The following PDE5A variants were observed in gnomAD, a reference collection of about 807,000 sequenced individuals.
PDE5A encodes cGMP-specific 3',5'-cyclic phosphodiesterase.
PDE5A carries 67 observed loss-of-function variants against 110.2 expected under a neutral mutation model. The observed-to-expected ratio is 0.61, with a 90% confidence interval of 0.50 to 0.75. The LOEUF (loss-of-function observed/expected upper bound fraction) is 0.75, where lower values mean the gene tolerates loss of function less well. Among genes scored for constraint, PDE5A ranks in the 30% least tolerant of loss-of-function variants. The pLI, the probability that PDE5A is intolerant of heterozygous loss-of-function variation, is 0.00. For synonymous variants in PDE5A, 328 were observed against 351.2 expected, an observed-to-expected ratio of 0.93 and a Z score of 0.74; for missense variants, 862 against 1,045.1, an observed-to-expected ratio of 0.82 and a Z score of 2.42.
At chr4:119,613,964 G>C (rs1729845502) in intron 1 of PDE5A, among the ~76,000 whole-genome samples, 1 of 151,738 alleles carries the variant, frequency 6.6e-6, no homozygotes. Flanking sequence ...TTGCCATGAA[G>C]AAGGCACTCC....
intron 1 of PDE5A, among the ~76,000 whole-genome samples, chr4:119,618,238 T>C (rs1237090886): frequency 6.6e-6 from 1 of 152,198 alleles, no homozygotes; most frequent in African/African-American, 2.4e-5. Flanking sequence ...TCATTCATGA[T>C]AGTTATTGTT....
intron 3 of PDE5A, among the ~76,000 whole-genome samples, chr4:119,578,009 G>A (rs562190352): frequency 6.6e-6 from 1 of 152,182 alleles, no homozygotes; most frequent in African/African-American, 2.4e-5. Flanking sequence ...CAAAATCGAT[G>A]GGCAAAAATC....
rs1460338740 is a variant in PDE5A, at chr4:119,498,614, G to T, written c.2615C>A (p.Ala872Asp). The stretch of plus-strand genomic sequence containing the variant: ...GAAATAGGCCACTCAGTTCCGCTTG[G>T]CCTGGCCGCTTTCCCCATTAATCAG... ...KMLINGESGQ[A>D]KRN The change falls in exon 21 of 21, where the codon GCC becomes GAC. Residue 872 changes from alanine to aspartate, a missense_variant. Ala to Asp is a moderately radical substitution (Grantham distance 126, BLOSUM62 -2). Transcript: ENST00000354960. 5 of 1,613,924 alleles carry T rather than the reference G, an allele frequency of 3.1e-6. No individual in the cohort carries two copies. Among genetic ancestry groups the T allele is most frequent in the Non-Finnish European group, 4.2e-6 (5 of 1,179,902 alleles).
At chr4:119,596,688 TAGAGA>T in intron 2 of PDE5A, 76 bp from the exon 3 acceptor site, 1 of 813,972 alleles carries the variant, frequency 1.2e-6, no homozygotes, top group Non-Finnish European at 2.0e-6. Context: ...TTTATTAGAT[TAGAGA>T]AATCTAACCT....
intron 3 of PDE5A, among the ~76,000 whole-genome samples, chr4:119,574,971 C>G (rs2110515586): frequency 6.6e-6 from 1 of 152,186 alleles, no homozygotes; most frequent in South Asian, 2.1e-4. Flanking sequence ...CTAGAATAAC[C>G]AATGCAGAGA....
At chr4:119,577,940 A>G (rs1341820919) in intron 3 of PDE5A, among the ~76,000 whole-genome samples, 2 of 152,202 alleles carry the variant, frequency 1.3e-5, no homozygotes. Flanking sequence ...AGAAAACCCC[A>G]TCGTCTCAGC....
chr4:119,542,370 A>G, intron 10 of PDE5A, 89 bp downstream of exon 10: 1 of 1,199,494 alleles, frequency 8.3e-7, no homozygotes, highest in Non-Finnish European at 1.2e-6. Context: ...ACAATGACGG[A>G]ACACACACAC....
At chr4:119,573,656 G>T (rs1728217045) in intron 3 of PDE5A, among the ~76,000 whole-genome samples, 1 of 152,166 alleles carries the variant, frequency 6.6e-6, no homozygotes, top group African/African-American at 2.4e-5. Context: ...TATCTCAAGA[G>T]AATGTTTACA....
chr4:119,567,079 A>G lies in PDE5A; in HGVS notation c.897T>C (p.Asp299=), dbSNP rs1727961826. 1 of 1,611,960 alleles carries G rather than the reference A, an allele frequency of 6.2e-7. No homozygotes were observed. Among genetic ancestry groups the G allele is most frequent in the Non-Finnish European group, 8.5e-7 (1 of 1,178,206 alleles). The part of the protein sequence containing the change: ...SGNGGTFTEK[D]EKDFAAYLAF... ...CTGACACAAGTTTTGGTACCTTTTC[A>G]TCTTTTTCAGTAAATGTCCCACCGT... is the stretch of plus-strand genomic sequence containing the variant. Residue 299 remains aspartate, a synonymous_variant, in exon 4 of 21, where the codon GAT becomes GAC. Transcript: ENST00000354960.
intron 2 of PDE5A, among the ~76,000 whole-genome samples, chr4:119,603,483 A>G (rs1729418516): frequency 6.6e-6 from 1 of 152,212 alleles, no homozygotes. Context: ...CTGAACATCA[A>G]TGTACAGGTA....
chr4:119,542,388 G>T, intron 10 of PDE5A, 71 bp downstream of exon 10: 1 of 1,410,334 alleles, frequency 7.1e-7, no homozygotes, highest in Non-Finnish European at 9.8e-7. Context: ...CACACCATGA[G>T]TGATTATGAG....
chr4:119,537,271 C>G (rs1281451792), intron 11 of PDE5A, among the ~76,000 whole-genome samples: 2 of 152,124 alleles, frequency 1.3e-5, no homozygotes, highest in African/African-American at 4.8e-5. Flanking sequence ...CTGTTTTACA[C>G]AAAACATTAC....
Position 119,628,660 on chromosome 4 carries a change from G to T in PDE5A, c.12C>A (p.Ala4=), listed in dbSNP as rs569455363. 6 of 1,612,968 alleles carry T rather than the reference G, an allele frequency of 3.7e-6. No homozygotes were observed. Among genetic ancestry groups the T allele is most frequent in the African/African-American group, 1.3e-5 (1 of 75,046 alleles). Residue 4 remains alanine (A), a synonymous_variant, in exon 1 of 21, where the codon GCC becomes GCA. Coordinates refer to ENST00000354960, the MANE Select transcript of PDE5A (RefSeq NM_001083.4). ...GTCGCTGCTGCCCGAAGCTGGGGCC[G>T]GCCCGCTCCATGGTTGGCACCGCGC... The part of the protein sequence containing the change: MER[A]GPSFGQQRQQ...
Position 119,527,749 on chromosome 4 carries a change from G to T in PDE5A, c.1633-2054C>A, listed in dbSNP as rs1726377292. ...TTTCTGAGTTTGATTTTCTTCAGGGGATTTTATTATTGCATTACGGTTTTG... is the reference window on the plus strand; with the variant it reads ...TTTCTGAGTTTGATTTTCTTCAGGGTATTTTATTATTGCATTACGGTTTTG... On this transcript the variant is annotated intron_variant, in intron 11 of 20. Transcript: ENST00000354960. Among the ~76,000 whole-genome samples the T allele has an allele frequency of 2.6e-5, 4 of 151,202 alleles. No individual in the cohort carries two copies. The South Asian group carries it at 8.3e-4, about 31-fold the overall frequency.
intron 5 of PDE5A, among the ~76,000 whole-genome samples, chr4:119,564,097 CAT>C (rs60378306): frequency 0.01 from 1,536 of 151,588 alleles, 31 homozygotes; most frequent in African/African-American, 0.036. Flanking sequence ...CTTATAGACA[CAT>C]AGACAAAAAT....
At chr4:119,526,480 T>G (rs779229635) in intron 11 of PDE5A, among the ~76,000 whole-genome samples, 5 of 152,158 alleles carry the variant, frequency 3.3e-5, no homozygotes, top group Non-Finnish European at 5.9e-5. Flanking sequence ...GAACCTCCAC[T>G]CCTCTGACCT....
At chr4:119,610,556 T>A (rs1371785511) in intron 1 of PDE5A, among the ~76,000 whole-genome samples, 2 of 152,138 alleles carry the variant, frequency 1.3e-5, no homozygotes, top group Non-Finnish European at 2.9e-5. Context: ...CACGTGGATA[T>A]CTAGACCACT....
chr4:119,604,472 A>G (rs1208798756), intron 2 of PDE5A, among the ~76,000 whole-genome samples: 1 of 152,166 alleles, frequency 6.6e-6, no homozygotes, highest in Non-Finnish European at 1.5e-5. Flanking sequence ...CAGGAAGGGG[A>G]TTCTGCAAAC....
chr4:119,591,076 T>A (rs563684362), intron 3 of PDE5A, among the ~76,000 whole-genome samples: 2 of 152,206 alleles, frequency 1.3e-5, no homozygotes, highest in Non-Finnish European at 2.9e-5. Flanking sequence ...CATGTTTCTC[T>A]TAAGTTTAAA....
Sources: gnomAD v4.1 joint callset for allele counts (sites outside exome capture counted in the v4.1 genomes callset) on GRCh38, gnomAD v4.1.1 for gene constraint, MANE v1.5 for transcripts, NCBI Gene and HGNC (gene_info 2026-07-23, HGNC 2026-07-21) for gene names.